The following GRIK3 variants were observed in gnomAD, a reference collection of about 807,000 sequenced individuals.
The protein encoded by GRIK3 is glutamate ionotropic receptor kainate type subunit 3.
GRIK3 carries 29 observed loss-of-function variants against 102.5 expected under a neutral mutation model. That is an observed-to-expected ratio of 0.28 (90% CI 0.21 to 0.39). GRIK3 has a LOEUF of 0.39. Ranked by LOEUF, GRIK3 falls within the 10% of genes least tolerant of loss-of-function variation. GRIK3 has a pLI of 1.00. For missense variants in GRIK3, 908 were observed against 1,252.4 expected, an observed-to-expected ratio of 0.73 and a Z score of 4.15; for synonymous variants, 511 against 504.9, an observed-to-expected ratio of 1.01 and a Z score of -0.16.
chr1:36,814,992 C>G (rs768765007), intron 13 of GRIK3, among the ~76,000 whole-genome samples: 1 of 152,144 alleles, frequency 6.6e-6, no homozygotes, highest in Non-Finnish European at 1.5e-5. Context: ...GAGTTGTGCA[C>G]AGGCACATGT....
At chr1:36,995,446 A>T (rs1642410323) in intron 1 of GRIK3, among the ~76,000 whole-genome samples, 1 of 152,216 alleles carries the variant, frequency 6.6e-6, no homozygotes, top group African/African-American at 2.4e-5. Context: ...AGTACTAGGT[A>T]ACAGCCATTA....
At chr1:36,833,918 T>C (rs905121554) in intron 10 of GRIK3, among the ~76,000 whole-genome samples, 1 of 152,168 alleles carries the variant, frequency 6.6e-6, no homozygotes, top group African/African-American at 2.4e-5. Context: ...TGGCTAGCCC[T>C]GACCTCTCGA....
chr1:36,997,457 C>T (rs1372394293), intron 1 of GRIK3, among the ~76,000 whole-genome samples: 1 of 152,234 alleles, frequency 6.6e-6, no homozygotes, highest in African/African-American at 2.4e-5. Context: ...AATTCCAGAG[C>T]TCAATGACAA....
chr1:36,984,176 A>G (rs1442378080), intron 1 of GRIK3, among the ~76,000 whole-genome samples: 1 of 152,170 alleles, frequency 6.6e-6, no homozygotes, highest in Non-Finnish European at 1.5e-5. Flanking sequence ...ACACATGCTT[A>G]TGCTCTAACA....
chr1:36,868,468 A>G (rs1482754166), intron 5 of GRIK3, among the ~76,000 whole-genome samples: 2 of 152,194 alleles, frequency 1.3e-5, no homozygotes, highest in Non-Finnish European at 2.9e-5. Context: ...TGCTGTGGGC[A>G]CAGGGTGCAG....
At chr1:36,893,160 T>C (rs1641135666) in intron 1 of GRIK3, among the ~76,000 whole-genome samples, 2 of 152,030 alleles carry the variant, frequency 1.3e-5, no homozygotes, top group African/African-American at 2.4e-5. Context: ...TTCAAAAACA[T>C]CAGAAACCAT....
At chr1:36,924,766 G>A (rs568534360) in intron 1 of GRIK3, among the ~76,000 whole-genome samples, 1 of 152,308 alleles carries the variant, frequency 6.6e-6, no homozygotes, top group East Asian at 1.9e-4. Context: ...CCAGGGCCCA[G>A]CAAAGCAAAT....
At position 36,814,032 on chromosome 1, in the gene GRIK3, T is replaced by C. The variant is rs1437681468; in HGVS notation, c.2091+3028A>G. 3.3e-5 allele frequency among the ~76,000 whole-genome samples: 5 copies of C among 152,266 alleles called. No individual in the cohort carries two copies. In the East Asian group the frequency reaches 7.7e-4, roughly 24 times the overall value. On this transcript the variant is annotated intron_variant, in intron 13 of 15. Transcript: ENST00000373091. ...ACAGACTCCTGTGAGCATGGGCCCA[T>C]GAAGCCCCAGCATCCCAGACAGGTG...
chr1:36,930,207 G>A (rs568539328), intron 1 of GRIK3, among the ~76,000 whole-genome samples: 8 of 152,168 alleles, frequency 5.3e-5, no homozygotes, highest in Non-Finnish European at 1.2e-4. Flanking sequence ...GGATCAATGT[G>A]GGCCTTCTTG....
At chr1:36,976,893 G>C (rs1191980950) in intron 1 of GRIK3, among the ~76,000 whole-genome samples, 4 of 152,102 alleles carry the variant, frequency 2.6e-5, no homozygotes, top group Admixed American at 2.6e-4. Context: ...TGCCAAAAAG[G>C]CTTCTAGACA....
intron 1 of GRIK3, among the ~76,000 whole-genome samples, chr1:36,941,585 C>T (rs577373949): frequency 6.6e-6 from 1 of 152,170 alleles, no homozygotes; most frequent in Admixed American, 6.5e-5. Context: ...AGGCGCCCCT[C>T]CCACCGTGGC....
intron 1 of GRIK3, among the ~76,000 whole-genome samples, chr1:37,000,519 A>T (rs886621820): frequency 6.6e-6 from 1 of 152,232 alleles, no homozygotes; most frequent in African/African-American, 2.4e-5. Flanking sequence ...GAGAGGTAAA[A>T]TAACTTGCCC....
chr1:37,033,102 G>C (rs1642846133), intron 1 of GRIK3, among the ~76,000 whole-genome samples: 1 of 152,202 alleles, frequency 6.6e-6, no homozygotes, highest in Non-Finnish European at 1.5e-5. Flanking sequence ...GCCGGTCGTC[G>C]GCCCGGGACA....
intron 1 of GRIK3, among the ~76,000 whole-genome samples, chr1:36,938,776 T>C (rs1641687704): frequency 6.6e-6 from 1 of 152,174 alleles, no homozygotes. Context: ...GTTGGGGGGT[T>C]GACAGCTGAC....
chr1:36,812,971 CG>C (rs1642580222), intron 13 of GRIK3, among the ~76,000 whole-genome samples: 1 of 152,210 alleles, frequency 6.6e-6, no homozygotes, highest in South Asian at 2.1e-4. Flanking sequence ...CCACTCAACA[CG>C]TATTATTAGA....
intron 1 of GRIK3, among the ~76,000 whole-genome samples, chr1:37,012,272 A>C (rs906984019): frequency 6.6e-6 from 1 of 152,220 alleles, no homozygotes; most frequent in Non-Finnish European, 1.5e-5. Context: ...TGGATGCGAG[A>C]AGCACTTTGC....
chr1:36,856,017 G>A (rs1640647258), intron 7 of GRIK3, among the ~76,000 whole-genome samples: 1 of 152,244 alleles, frequency 6.6e-6, no homozygotes, highest in African/African-American at 2.4e-5. Flanking sequence ...GGCACCTAAG[G>A]TGGAGTCGGG....
intron 7 of GRIK3, 112 bp downstream of exon 7, chr1:36,858,996 C>T (rs564027817): frequency 2.4e-5 from 24 of 988,140 alleles, no homozygotes; most frequent in African/African-American, 2.1e-4. Context: ...GGCAACTTGC[C>T]TGAGGTCACA....
chr1:37,019,621 C>T (rs972171051), intron 1 of GRIK3, among the ~76,000 whole-genome samples: 2 of 152,264 alleles, frequency 1.3e-5, no homozygotes, highest in East Asian at 3.9e-4. Flanking sequence ...TCCTGGAGCC[C>T]CCGCAAATCC....
Sources: gnomAD v4.1 joint callset for allele counts (sites outside exome capture counted in the v4.1 genomes callset) on GRCh38, gnomAD v4.1.1 for gene constraint, MANE v1.5 for transcripts, NCBI Gene and HGNC (gene_info 2026-07-23, HGNC 2026-07-21) for gene names.